The following GLO1 variants were observed in gnomAD, a reference collection of about 807,000 sequenced individuals.
The protein encoded by GLO1 is lactoylglutathione lyase.
A neutral mutation model predicts 26.0 loss-of-function variants in GLO1; 28 were observed. The ratio of observed to expected loss-of-function variants is 1.08; its 90% CI spans 0.80 to 1.48. The LOEUF is 1.48. Ranked by LOEUF, GLO1 falls within the 40% of genes most tolerant of loss-of-function variation. The pLI, the probability that GLO1 is intolerant of heterozygous loss-of-function variation, is 0.00. For missense variants in GLO1, 225 were observed against 224.8 expected (o/e 1.00, Z -0.01); for synonymous variants, 78 against 77.6 (o/e 1.00, Z -0.03).
At chr6:38,687,675 G>A (rs1224690804) in intron 1 of GLO1, among the ~76,000 whole-genome samples, 4 of 152,158 alleles carry the variant, frequency 2.6e-5, no homozygotes, top group Non-Finnish European at 4.4e-5. Context: ...TAAATTCATG[G>A]AGTTAAGATT....
chr6:38,678,593 C>T (rs937662), intron 5 of GLO1, among the ~76,000 whole-genome samples: 60,762 of 151,844 alleles, frequency 0.4, 12,357 homozygotes, highest in Non-Finnish European at 0.42. Context: ...TTTGCTCTTG[C>T]TCCTCCCTCA....
At chr6:38,679,793 CAA>C (rs58819710) in intron 5 of GLO1, among the ~76,000 whole-genome samples, 67 of 124,646 alleles carry the variant, frequency 5.4e-4, no homozygotes, top group Non-Finnish European at 6.3e-4. Flanking sequence ...GACTCTGTCT[CAA>C]AAAAAAAAAA....
At chr6:38,701,928 A>ATTT (rs555631797) in intron 1 of GLO1, among the ~76,000 whole-genome samples, 125 of 137,162 alleles carry the variant, frequency 9.1e-4, no homozygotes, top group Non-Finnish European at 1.7e-3. Flanking sequence ...CTGTGCCTGA[A>ATTT]TTTTTTTTTT....
At chr6:38,678,362 G>C (rs575240197) in intron 5 of GLO1, among the ~76,000 whole-genome samples, 6 of 151,752 alleles carry the variant, frequency 4.0e-5, no homozygotes, top group Non-Finnish European at 8.8e-5. Flanking sequence ...GAGAAGGAAG[G>C]AAGGAGGGAG....
intron 1 of GLO1, among the ~76,000 whole-genome samples, chr6:38,699,029 AT>A (rs1216512339): frequency 2.0e-5 from 3 of 152,170 alleles, no homozygotes; most frequent in Non-Finnish European, 4.4e-5. Context: ...TGTCTCCACA[AT>A]CTGGCCCCAA....
chr6:38,700,743 A>G (rs1453803523), intron 1 of GLO1, among the ~76,000 whole-genome samples: 2 of 151,958 alleles, frequency 1.3e-5, no homozygotes, highest in African/African-American at 2.4e-5. Context: ...CATATAGCAT[A>G]AATGTATCAA....
chr6:38,700,571 C>G (rs1432714803), intron 1 of GLO1, among the ~76,000 whole-genome samples: 1 of 152,086 alleles, frequency 6.6e-6, no homozygotes, highest in Admixed American at 6.5e-5. Flanking sequence ...CTAATGCTAC[C>G]TTTAAAAACC....
At chr6:38,687,360 T>C (rs1761473591) in intron 1 of GLO1, among the ~76,000 whole-genome samples, 1 of 152,238 alleles carries the variant, frequency 6.6e-6, no homozygotes, top group Admixed American at 6.5e-5. Context: ...CAGAGCTCTC[T>C]GTGACCACTT....
chr6:38,702,836 T>C (rs1220756198), intron 1 of GLO1, 135 bp downstream of exon 1: 2 of 599,948 alleles, frequency 3.3e-6, no homozygotes, highest in Non-Finnish European at 5.9e-6. Flanking sequence ...AACACCATTA[T>C]CCCTCTTCCC....
At chr6:38,684,649 G>T in intron 2 of GLO1, 135 bp from the exon 3 acceptor site, 2 of 426,330 alleles carry the variant, frequency 4.7e-6, no homozygotes, top group African/African-American at 2.0e-5. Context: ...AATGGAATAA[G>T]CAGGAGGAAA....
intron 3 of GLO1, 183 bp from the exon 4 acceptor site, chr6:38,683,058 AG>A: frequency 1.8e-6 from 1 of 565,518 alleles, no homozygotes; most frequent in Non-Finnish European, 3.2e-6. Context: ...GATTTTAACG[AG>A]ACTAAAGAGA....
At chr6:38,693,418 T>C (rs910842612) in intron 1 of GLO1, among the ~76,000 whole-genome samples, 2 of 152,162 alleles carry the variant, frequency 1.3e-5, no homozygotes, top group African/African-American at 4.8e-5. Context: ...ATTCTACTGG[T>C]CTTTTCAAAG....
intron 1 of GLO1, among the ~76,000 whole-genome samples, chr6:38,695,269 A>G (rs1761591984): frequency 6.6e-6 from 1 of 151,988 alleles, no homozygotes; most frequent in African/African-American, 2.4e-5. Flanking sequence ...AGCTTTTTAA[A>G]TGGTGGCTCT....
chr6:38,696,737 C>T (rs1761615931), intron 1 of GLO1, among the ~76,000 whole-genome samples: 1 of 152,126 alleles, frequency 6.6e-6, no homozygotes, highest in South Asian at 2.1e-4. Context: ...CCTCAGTCTG[C>T]AGAAAGGAGA....
intron 1 of GLO1, among the ~76,000 whole-genome samples, chr6:38,702,441 C>T (rs901739220): frequency 6.6e-6 from 1 of 152,268 alleles, no homozygotes; most frequent in African/African-American, 2.4e-5. Flanking sequence ...CTCTCCTGGG[C>T]CCCACGAAGA....
chr6:38,695,379 G>GT (rs1302773118), intron 1 of GLO1, among the ~76,000 whole-genome samples: 2 of 151,806 alleles, frequency 1.3e-5, no homozygotes, highest in African/African-American at 4.8e-5. Context: ...ATATACCCAT[G>GT]TATATGTATA....
At chr6:38,702,889 G>A in intron 1 of GLO1, 82 bp downstream of exon 1, 1 of 761,470 alleles carries the variant, frequency 1.3e-6, no homozygotes, top group Non-Finnish European at 2.2e-6. Flanking sequence ...CTGCAGCGGC[G>A]GCGGGATGGG....
intron 1 of GLO1, among the ~76,000 whole-genome samples, chr6:38,693,900 C>T (rs955410536): frequency 1.3e-5 from 2 of 151,832 alleles, no homozygotes; most frequent in African/African-American, 4.8e-5. Flanking sequence ...TTAGTAGAGA[C>T]GGGGTTTCAC....
At chr6:38,700,524 C>T (rs1761683100) in intron 1 of GLO1, among the ~76,000 whole-genome samples, 1 of 152,190 alleles carries the variant, frequency 6.6e-6, no homozygotes. Flanking sequence ...AAATGCAGGT[C>T]TTCAGGCTCC....
Sources: gnomAD v4.1 joint callset for allele counts (sites outside exome capture counted in the v4.1 genomes callset) on GRCh38, gnomAD v4.1.1 for gene constraint, MANE v1.5 for transcripts, NCBI Gene and HGNC (gene_info 2026-07-23, HGNC 2026-07-21) for gene names.